PPP1CB: variants seen among roughly 807,000 people sequenced by gnomAD.
PPP1CB encodes the protein protein phosphatase 1 catalytic subunit beta.
Under a neutral mutation model 43.7 loss-of-function variants are expected in PPP1CB, and 2 were observed. The observed-to-expected ratio is 0.05, with a 90% confidence interval of 0.02 to 0.14. The LOEUF (loss-of-function observed/expected upper bound fraction) is 0.14, where lower values mean the gene tolerates loss of function less well. Among genes scored for constraint, PPP1CB ranks in the 10% least tolerant of loss-of-function variants. The pLI is 1.00. For synonymous variants in PPP1CB, 136 were observed against 135.6 expected (o/e 1.00, Z -0.02); for missense variants, 84 against 398.0 (o/e 0.21, Z 6.71).
chr2:28,796,685 A>T (rs576994617), intron 7 of PPP1CB, among the ~76,000 whole-genome samples: 4 of 152,096 alleles, frequency 2.6e-5, no homozygotes, highest in Non-Finnish European at 2.9e-5. Flanking sequence ...GGCGGAGTCT[A>T]TGGGGTTTTC....
chr2:28,791,591 G>C (rs542014421), intron 6 of PPP1CB, among the ~76,000 whole-genome samples: 8 of 152,256 alleles, frequency 5.3e-5, no homozygotes, highest in African/African-American at 1.9e-4. Context: ...GCCTCCCAAA[G>C]TGCTGGGATT....
At chr2:28,784,917 C>CA (rs869155670) in intron 5 of PPP1CB, among the ~76,000 whole-genome samples, 40,365 of 78,638 alleles carry the variant, frequency 0.51, 10,587 homozygotes, top group Middle Eastern at 0.61. Flanking sequence ...GAAACTGTCT[C>CA]AAAAAAAAAA....
At chr2:28,756,424 C>G (rs1210402804) in intron 1 of PPP1CB, among the ~76,000 whole-genome samples, 1 of 152,196 alleles carries the variant, frequency 6.6e-6, no homozygotes, top group Non-Finnish European at 1.5e-5. Context: ...TGCTTGTGAT[C>G]TCTTAGTGCG....
intron 7 of PPP1CB, among the ~76,000 whole-genome samples, chr2:28,795,259 A>G (rs1009558220): frequency 5.9e-5 from 9 of 152,208 alleles, no homozygotes; most frequent in Non-Finnish European, 1.2e-4. Context: ...ATGGACATCT[A>G]GGTTGATTAC....
intron 6 of PPP1CB, among the ~76,000 whole-genome samples, chr2:28,793,428 C>A (rs1667428703): frequency 6.6e-6 from 1 of 152,114 alleles, no homozygotes; most frequent in African/African-American, 2.4e-5. Flanking sequence ...ATTAAGGATT[C>A]TGTAGTTGGA....
intron 1 of PPP1CB, among the ~76,000 whole-genome samples, chr2:28,769,489 A>T (rs1442451977): frequency 6.6e-6 from 1 of 152,220 alleles, no homozygotes; most frequent in African/African-American, 2.4e-5. Context: ...TCAATAGTAA[A>T]GTAAAATGAA....
chr2:28,793,035 A>G (rs1027316692), intron 6 of PPP1CB, among the ~76,000 whole-genome samples: 1 of 152,068 alleles, frequency 6.6e-6, no homozygotes, highest in Non-Finnish European at 1.5e-5. Flanking sequence ...ACAAAACCTC[A>G]TCTCTACTAA....
chr2:28,769,278 G>A (rs886551104), intron 1 of PPP1CB, among the ~76,000 whole-genome samples: 2 of 152,128 alleles, frequency 1.3e-5, no homozygotes, highest in South Asian at 2.1e-4. Flanking sequence ...TCGTGTGGCC[G>A]AGGCTTGGAG....
At chr2:28,759,345 A>G (rs545117707) in intron 1 of PPP1CB, among the ~76,000 whole-genome samples, 52 of 151,928 alleles carry the variant, frequency 3.4e-4, no homozygotes, top group Non-Finnish European at 5.7e-4. Flanking sequence ...GTGAAACCCC[A>G]TCTCTACTAA....
intron 1 of PPP1CB, among the ~76,000 whole-genome samples, chr2:28,776,392 G>C (rs1362300927): frequency 1.3e-5 from 2 of 152,008 alleles, no homozygotes; most frequent in East Asian, 3.8e-4. Flanking sequence ...CTCCCAATTA[G>C]CTGGGATTAC....
intron 7 of PPP1CB, among the ~76,000 whole-genome samples, chr2:28,795,538 G>T (rs1667481827): frequency 6.6e-6 from 1 of 152,060 alleles, no homozygotes; most frequent in South Asian, 2.1e-4. Context: ...ACAGTATCTT[G>T]TGGTTTGATT....
At chr2:28,763,605 G>A (rs1267222968) in intron 1 of PPP1CB, among the ~76,000 whole-genome samples, 2 of 152,062 alleles carry the variant, frequency 1.3e-5, no homozygotes, top group Non-Finnish European at 2.9e-5. Flanking sequence ...GAAAGCCATG[G>A]GCCTTCTCAG....
At chr2:28,775,051 A>T (rs1262150430) in intron 1 of PPP1CB, among the ~76,000 whole-genome samples, 13 of 150,810 alleles carry the variant, frequency 8.6e-5, no homozygotes, top group African/African-American at 2.2e-4. Flanking sequence ...TTTTTTTTTT[A>T]AAGCCTCTTA....
chr2:28,800,226 C>CTTTTTTTTTTTTTTTTTTTTTTT lies in PPP1CB; in HGVS notation c.*924_*946dup, dbSNP rs55736905. On this transcript the variant is annotated 3_prime_UTR_variant, in exon 8 of 8. Transcript: ENST00000395366. ...TTGGTTTTCTTTTTCTTTTTTCTTT[C>CTTTTTTTTTTTTTTTTTTTTTTT]TTTTTTTTTTTTTTTTTTTTTTTGA... 1.5e-4 allele frequency: 10 copies of CTTTTTTTTTTTTTTTTTTTTTTT among 65,628 alleles called. No homozygotes were observed. Among genetic ancestry groups the CTTTTTTTTTTTTTTTTTTTTTTT allele is most frequent in the African/African-American group, 2.5e-4 (4 of 15,760 alleles). The allele number at this position is 65,628 out of a possible 1,614,324, so 4.1% of individuals were successfully genotyped here. A position where few individuals can be genotyped will look rare whatever the true frequency, so the allele number is the denominator to read the frequency against.
At chr2:28,752,216 C>T (rs1367536842) in intron 1 of PPP1CB, 40 bp downstream of exon 1, 1 of 1,504,224 alleles carries the variant, frequency 6.6e-7, no homozygotes, top group Non-Finnish European at 8.9e-7. Context: ...GGAGGTCGGG[C>T]ACCGCCGCCG....
At chr2:28,758,274 C>A (rs955739635) in intron 1 of PPP1CB, among the ~76,000 whole-genome samples, 18 of 152,052 alleles carry the variant, frequency 1.2e-4, no homozygotes, top group African/African-American at 3.9e-4. Context: ...GGATTACAGG[C>A]ACCCAGCCCC....
At chr2:28,767,352 A>G (rs566854807) in intron 1 of PPP1CB, among the ~76,000 whole-genome samples, 1 of 152,224 alleles carries the variant, frequency 6.6e-6, no homozygotes, top group African/African-American at 2.4e-5. Context: ...ACATCAGTAT[A>G]TGTTGTGGTT....
chr2:28,793,490 G>A (rs1378698750), intron 6 of PPP1CB, among the ~76,000 whole-genome samples: 1 of 152,122 alleles, frequency 6.6e-6, no homozygotes, highest in Non-Finnish European at 1.5e-5. Context: ...AAAACACGTA[G>A]ATTAATTAAA....
chr2:28,799,733 C>G lies in PPP1CB; in HGVS notation c.*430C>G, dbSNP rs1289031582. Reference sequence around the variant, plus strand: ...TTCACTAGAATAATGGCAAATACTTCTAATTTTTTTCCCTAAACATTTTTA... The same window carrying G: ...TTCACTAGAATAATGGCAAATACTTGTAATTTTTTTCCCTAAACATTTTTA... On this transcript the variant is annotated 3_prime_UTR_variant, in exon 8 of 8. Coordinates refer to ENST00000395366, the MANE Select transcript of PPP1CB (RefSeq NM_002709.3). The G allele has an allele frequency of 6.5e-6, 1 of 153,962 alleles. No homozygotes were observed. Among genetic ancestry groups the G allele is most frequent in the Non-Finnish European group, 1.4e-5 (1 of 69,026 alleles). 9.5% of individuals were successfully genotyped at this position (153,962 alleles called of 1,614,324 possible). A position where few individuals can be genotyped will look rare whatever the true frequency, so the allele number is the denominator to read the frequency against.
Sources: gnomAD v4.1 joint callset for allele counts (sites outside exome capture counted in the v4.1 genomes callset) on GRCh38, gnomAD v4.1.1 for gene constraint, MANE v1.5 for transcripts, NCBI Gene and HGNC (gene_info 2026-07-23, HGNC 2026-07-21) for gene names.